KCTD7: variants seen among roughly 807,000 people sequenced by gnomAD.
KCTD7 encodes the protein BTB/POZ domain-containing protein KCTD7.
Under a neutral mutation model 27.0 loss-of-function variants are expected in KCTD7, and 15 were observed. The ratio of observed to expected loss-of-function variants is 0.56; its 90% CI spans 0.37 to 0.86. The LOEUF is 0.86. Among genes scored for constraint, KCTD7 ranks in the 40% least tolerant of loss-of-function variants. The probability of loss-of-function intolerance (pLI) is 0.00; values close to 1 mark genes in which losing one functional copy is unlikely to be tolerated. For missense variants in KCTD7, 299 were observed against 398.9 expected, an observed-to-expected ratio of 0.75 and a Z score of 2.13; for synonymous variants, 159 against 162.7, an observed-to-expected ratio of 0.98 and a Z score of 0.17.
intron 2 of KCTD7, among the ~76,000 whole-genome samples, chr7:66,634,192 T>TTCTATCTATCTATCTATCTATCTA (rs3069694): frequency 7.1e-6 from 1 of 139,960 alleles, no homozygotes; most frequent in African/African-American, 2.8e-5. Flanking sequence ...ATGTGTGTGA[T>TTCTATCTATCTATCTATCTATCTA]TCTATCTATC....
intron 2 of KCTD7, 110 bp from the exon 3 acceptor site, chr7:66,638,143 C>T (rs1206244514): frequency 1.8e-6 from 2 of 1,105,220 alleles, no homozygotes; most frequent in Admixed American, 1.7e-5. Flanking sequence ...TTCATTTACC[C>T]AGTGTAACAC....
chr7:66,640,256 TA>T lies in KCTD7; in HGVS notation c.*1025del. The T allele has an allele frequency of 6.7e-7, 1 of 1,487,292 alleles. No homozygotes were observed. The allele number at this position is 1,487,292 out of a possible 1,614,324, so 92.1% of individuals were successfully genotyped here. ...GGAAGGGCTGGGTGAGACACACAGC[TA>T]TCCTAGGAGCCGTAGGAAGACAAAA... is the stretch of plus-strand genomic sequence containing the variant. On this transcript the variant is annotated 3_prime_UTR_variant, in exon 4 of 4. Coordinates refer to ENST00000639828, the MANE Select transcript of KCTD7 (RefSeq NM_153033.5).
rs769023482 is a variant in KCTD7, at chr7:66,633,421, C to T, written c.291C>T (p.Ile97=). ...CGGACTCCGAGGGCCGGTACTTCAT[C>T]GACCGAGATGGCACACACTTTGGGT... ...IPTDSEGRYF[I]DRDGTHFGDV... is the part of the protein sequence containing the mutation. Residue 97 remains isoleucine (I), a synonymous_variant, in exon 2 of 4, where the codon ATC becomes ATT. Coordinates refer to ENST00000639828, the MANE Select transcript of KCTD7 (RefSeq NM_153033.5). 1.9e-6 allele frequency: 3 copies of T among 1,614,130 alleles called. No individual in the cohort carries two copies. Among genetic ancestry groups the T allele is most frequent in the Admixed American group, 1.7e-5 (1 of 60,008 alleles).
intron 1 of KCTD7, among the ~76,000 whole-genome samples, chr7:66,632,062 A>C (rs1298029742): frequency 6.6e-6 from 1 of 152,228 alleles, no homozygotes; most frequent in Non-Finnish European, 1.5e-5. Context: ...AGAATGTGTC[A>C]TTAACTCTGT....
intron 2 of KCTD7, among the ~76,000 whole-genome samples, chr7:66,634,877 G>A (rs1260779431): frequency 3.9e-5 from 6 of 152,128 alleles, no homozygotes; most frequent in South Asian, 2.1e-4. Context: ...GCAGCCAGGC[G>A]TGGTGGTACT....
chr7:66,633,553 A>T, intron 2 of KCTD7, 109 bp downstream of exon 2: 1 of 1,023,858 alleles, frequency 9.8e-7, no homozygotes, highest in Non-Finnish European at 1.5e-6. Context: ...GAGATAGCAT[A>T]TTGATGAAAT....
At position 66,641,594 on chromosome 7, in the gene KCTD7, C is replaced by T; in HGVS notation, c.*2362C>T. 1 of 985,414 alleles carries T rather than the reference C, an allele frequency of 1.0e-6. No individual in the cohort carries two copies. The highest frequency in any genetic ancestry group is 1.2e-6 in the Non-Finnish European group (1 of 829,938). The allele number at this position is 985,414 out of a possible 1,614,324, so 61.0% of individuals were successfully genotyped here. A position where few individuals can be genotyped will look rare whatever the true frequency, so the allele number is the denominator to read the frequency against. ...TGGAGAAATCCCTGTTTCTCTGACTCCCTTTGTGATCCTCACAGTAATGTA... is the reference window on the plus strand; with the variant it reads ...TGGAGAAATCCCTGTTTCTCTGACTTCCTTTGTGATCCTCACAGTAATGTA... On this transcript the variant is annotated 3_prime_UTR_variant, in exon 4 of 4. Transcript: ENST00000639828.
rs1413811551 is a variant in KCTD7, at chr7:66,640,626, A to G, written c.*1394A>G. On this transcript the variant is annotated 3_prime_UTR_variant, in exon 4 of 4. Transcript: ENST00000639828. Reference sequence around the variant, plus strand: ...GATTTTTTTTTTTAATGTGTAAAGAATTGATGCGAGCCAGGAACATGTCTG... The same window carrying G: ...GATTTTTTTTTTTAATGTGTAAAGAGTTGATGCGAGCCAGGAACATGTCTG... 7.2e-7 allele frequency: 1 copy of G among 1,379,476 alleles called. No individual in the cohort carries two copies. The highest frequency in any genetic ancestry group is 9.3e-7 in the Non-Finnish European group (1 of 1,069,926). The allele number at this position is 1,379,476 out of a possible 1,614,324, so 85.5% of individuals were successfully genotyped here.
chr7:66,642,689 C>T lies in KCTD7; in HGVS notation c.*3457C>T, dbSNP rs1027702204. The T allele has an allele frequency of 2.0e-6, 2 of 985,238 alleles. No individual in the cohort carries two copies. The highest frequency in any genetic ancestry group is 3.5e-5 in the African/African-American group (2 of 57,202). The allele number at this position is 985,238 out of a possible 1,614,324, so 61.0% of individuals were successfully genotyped here. ...TGGGGCTCTTGCGTGAAGGTGGTAC[C>T]TGTCTCATGATCCTTAAAAGAGAGA... On this transcript the variant is annotated 3_prime_UTR_variant, in exon 4 of 4. Coordinates refer to ENST00000639828, the MANE Select transcript of KCTD7 (RefSeq NM_153033.5).
chr7:66,633,618 G>A (rs536010561), intron 2 of KCTD7, among the ~76,000 whole-genome samples, 174 bp downstream of exon 2: 1 of 150,328 alleles, frequency 6.7e-6, no homozygotes, highest in African/African-American at 2.4e-5. Context: ...TTTGCCAAAG[G>A]AGACAAAGAC....
intron 2 of KCTD7, among the ~76,000 whole-genome samples, chr7:66,637,068 G>C (rs1323808252): frequency 6.6e-6 from 1 of 152,184 alleles, no homozygotes; most frequent in Non-Finnish European, 1.5e-5. Context: ...ATTTGTGCTT[G>C]TGTCCACTAA....
Position 66,638,411 on chromosome 7 carries a change from G to A in KCTD7, c.473G>A (p.Gly158Glu). The A allele has an allele frequency of 4.3e-6, 7 of 1,614,156 alleles. No individual in the cohort carries two copies. The highest frequency in any genetic ancestry group is 5.1e-6 in the Non-Finnish European group (6 of 1,180,038). ...GAGAAGGTGCGCCAAGCGTTTCTGG[G>A]ACTCATGCCCTATTACAAAGGTGAG... is the stretch of plus-strand genomic sequence containing the variant. ...KGEKVRQAFL[G>E]LMPYYKDHLE... Residue 158 changes from glycine (G) to glutamate (E), a missense_variant, in exon 3 of 4, where the codon GGA becomes GAA. Gly to Glu is a moderately conservative substitution (Grantham distance 98, BLOSUM62 -2). Transcript: ENST00000639828.
intron 2 of KCTD7, among the ~76,000 whole-genome samples, chr7:66,634,492 C>T (rs1383163040): frequency 6.6e-6 from 1 of 152,074 alleles, no homozygotes; most frequent in Non-Finnish European, 1.5e-5. Flanking sequence ...CTCCCTTCAG[C>T]CTCCTGAATA....
rs2116775490 is a variant in KCTD7, at chr7:66,639,047, G to T, written c.685G>T (p.Asp229Tyr). 7 of 1,614,132 alleles carry T rather than the reference G, an allele frequency of 4.3e-6. No homozygotes were observed. The highest frequency in any genetic ancestry group is 5.9e-6 in the Non-Finnish European group (7 of 1,180,018). Residue 229 changes from aspartate to tyrosine, a missense_variant, in exon 4 of 4, where the codon GAT (aspartate) becomes TAT (tyrosine). By Grantham distance (160) the Asp-to-Tyr change is radical (BLOSUM62 -3). Transcript: ENST00000639828. ...GCTTTTTGAGCACCACTGTGAAGTGGATGTGTCTTTTGGGCCCTGGGAGGC... is the reference window on the plus strand; with the variant it reads ...GCTTTTTGAGCACCACTGTGAAGTGTATGTGTCTTTTGGGCCCTGGGAGGC... ...GQLFEHHCEV[D>Y]VSFGPWEAVA...
chr7:66,635,011 CTTTTTT>C (rs68184930), intron 2 of KCTD7, among the ~76,000 whole-genome samples: 2 of 107,418 alleles, frequency 1.9e-5, no homozygotes, highest in Admixed American at 9.7e-5. Context: ...GTGAGACTGT[CTTTTTT>C]TTTTTTTTTT....
chr7:66,639,200 C>G lies in KCTD7; in HGVS notation c.838C>G (p.Pro280Ala). 6.2e-7 allele frequency: 1 copy of G among 1,613,488 alleles called. No homozygotes were observed. Residue 280 changes from proline (P) to alanine (A), a missense_variant, in exon 4 of 4, where the codon CCC becomes GCC. Pro to Ala is a conservative substitution (Grantham distance 27, BLOSUM62 -1). Coordinates refer to ENST00000639828, the MANE Select transcript of KCTD7 (RefSeq NM_153033.5). The part of the protein sequence containing the change: ...HLVNHYYCKR[P>A]IYEFKITWW ...CGTGAACCACTACTACTGCAAGCGC[C>G]CCATCTATGAGTTCAAGATCACATG... is the stretch of plus-strand genomic sequence containing the variant.
Position 66,642,595 on chromosome 7 carries a change from C to T in KCTD7, c.*3363C>T. The stretch of plus-strand genomic sequence containing the variant: ...TCCTAGTAATATTTCAAATATTGTC[C>T]TTCTGCATATGTTCTATCCATATTT... On this transcript the variant is annotated 3_prime_UTR_variant, in exon 4 of 4. Coordinates refer to ENST00000639828, the MANE Select transcript of KCTD7 (RefSeq NM_153033.5). The T allele has an allele frequency of 3.0e-6, 3 of 985,344 alleles. No individual in the cohort carries two copies. Among genetic ancestry groups the T allele is most frequent in the South Asian group, 9.4e-5 (2 of 21,290 alleles). The allele number at this position is 985,344 out of a possible 1,614,324, so 61.0% of individuals were successfully genotyped here. A position where few individuals can be genotyped will look rare whatever the true frequency, so the allele number is the denominator to read the frequency against.
Position 66,641,133 on chromosome 7 carries a change from G to T in KCTD7, c.*1901G>T, listed in dbSNP as rs1026404678. 2.0e-6 allele frequency: 2 copies of T among 985,320 alleles called. No individual in the cohort carries two copies. The highest frequency in any genetic ancestry group is 3.5e-5 in the African/African-American group (2 of 57,246). 61.0% of individuals were successfully genotyped at this position (985,320 alleles called of 1,614,324 possible). A position where few individuals can be genotyped will look rare whatever the true frequency, so the allele number is the denominator to read the frequency against. ...GAAAGGATAGTCATTCACGTTCTGAGATATGCGCTCTCTCTATTGTTCTCG... is the reference window on the plus strand; with the variant it reads ...GAAAGGATAGTCATTCACGTTCTGATATATGCGCTCTCTCTATTGTTCTCG... On this transcript the variant is annotated 3_prime_UTR_variant, in exon 4 of 4. Transcript: ENST00000639828.
chr7:66,639,714 C>G lies in KCTD7; in HGVS notation c.*482C>G. 1 of 1,247,952 alleles carries G rather than the reference C, an allele frequency of 8.0e-7. No homozygotes were observed. Among genetic ancestry groups the G allele is most frequent in the Non-Finnish European group, 1.0e-6 (1 of 996,652 alleles). The allele number at this position is 1,247,952 out of a possible 1,614,324, so 77.3% of individuals were successfully genotyped here. On this transcript the variant is annotated 3_prime_UTR_variant, in exon 4 of 4. Transcript: ENST00000639828. The stretch of plus-strand genomic sequence containing the variant: ...TACCTGACCAGCCACCCCATAGCCC[C>G]TGGCTGAAGAAGAAAGAGCATCTTC...
Sources: gnomAD v4.1 joint callset for allele counts (sites outside exome capture counted in the v4.1 genomes callset) on GRCh38, gnomAD v4.1.1 for gene constraint, MANE v1.5 for transcripts, NCBI Gene and HGNC (gene_info 2026-07-23, HGNC 2026-07-21) for gene names.